The following CHODL variants were observed in gnomAD, a reference collection of about 807,000 sequenced individuals.
CHODL encodes the protein chondrolectin.
A neutral mutation model predicts 34.5 loss-of-function variants in CHODL; 29 were observed. The observed-to-expected ratio is 0.84, with a 90% confidence interval of 0.63 to 1.15. The LOEUF (loss-of-function observed/expected upper bound fraction) is 1.15. Ranked by LOEUF, CHODL falls within the 50% of genes most tolerant of loss-of-function variation. CHODL has a pLI of 0.00. For missense variants in CHODL, 332 were observed against 332.5 expected, an observed-to-expected ratio of 1.00 and a Z score of 0.01; for synonymous variants, 125 against 116.1, an observed-to-expected ratio of 1.08 and a Z score of -0.49.
intron 2 of CHODL, among the ~76,000 whole-genome samples, chr21:18,173,610 TG>T (rs2073257480): frequency 6.6e-6 from 1 of 152,190 alleles, no homozygotes; most frequent in Admixed American, 6.5e-5. Context: ...GTTGGGGATT[TG>T]CTATTGATTA....
intron 1 of CHODL, among the ~76,000 whole-genome samples, chr21:17,972,863 G>A (rs1172785652): frequency 1.3e-5 from 2 of 152,116 alleles, no homozygotes; most frequent in African/African-American, 4.8e-5. Context: ...GAACAAAGCT[G>A]GAGCCATCAT....
intron 2 of CHODL, among the ~76,000 whole-genome samples, chr21:18,196,477 A>G (rs552730881): frequency 1.7e-4 from 26 of 152,196 alleles, no homozygotes; most frequent in Non-Finnish European, 3.2e-4. Context: ...GCTGTAGGAA[A>G]TTAACAGTAA....
rs148377165 is a variant in CHODL, at chr21:18,185,583, G to A, written c.-44-70926G>A. Among the ~76,000 whole-genome samples, 471 of 152,258 alleles carry A rather than the reference G, an allele frequency of 3.1e-3. 5 individuals carry two copies. Among genetic ancestry groups the A allele is most frequent in the Admixed American group, 0.022 (342 of 15,300 alleles). ...TTCCAAATAATCCTGGTGGTGGCTT[G>A]TGTGAGTCAGGCTCCTTCAGTTGCA... On this transcript the variant is annotated intron_variant, in intron 2 of 6. Coordinates refer to the CHODL transcript ENST00000400127.
intron 2 of CHODL, among the ~76,000 whole-genome samples, chr21:18,074,718 T>G (rs1454355555): frequency 1.3e-5 from 2 of 152,130 alleles, no homozygotes; most frequent in Admixed American, 1.3e-4. Context: ...GGAAAAAGAA[T>G]TAAGAGAAAA....
chr21:18,143,041 A>G (rs2072821491), intron 2 of CHODL, among the ~76,000 whole-genome samples: 3 of 152,212 alleles, frequency 2.0e-5, no homozygotes, highest in African/African-American at 7.2e-5. Flanking sequence ...TAATTTTTAT[A>G]GACCAGTTAA....
rs154750 is a variant in CHODL, at chr21:18,016,996, G to A, written c.-144-10876G>A. Among the ~76,000 whole-genome samples the A allele has an allele frequency of 4.8e-3, 732 of 152,382 alleles. 34 individuals are homozygous for A. The East Asian group carries it at 0.11, about 23-fold the overall frequency. On this transcript the variant is annotated intron_variant, in intron 1 of 6. Transcript: ENST00000400127. ...TTTGGAAGAGGAGCATTTACTTAAT[G>A]TCTGTATCCCCATTGTATCTTGGAA... is the stretch of plus-strand genomic sequence containing the variant.
chr21:18,033,916 T>A (rs1334360306), intron 2 of CHODL, among the ~76,000 whole-genome samples: 1 of 152,016 alleles, frequency 6.6e-6, no homozygotes, highest in African/African-American at 2.4e-5. Flanking sequence ...CTCACAAAAA[T>A]ACTTTAAAAA....
chr21:18,128,201 C>T (rs575360001), intron 2 of CHODL, among the ~76,000 whole-genome samples: 13 of 148,430 alleles, frequency 8.8e-5, no homozygotes, highest in Non-Finnish European at 1.5e-4. Context: ...CTAGGGAGGC[C>T]GAGGCAGGAG....
intron 1 of CHODL, among the ~76,000 whole-genome samples, chr21:17,988,606 T>A (rs1329079052): frequency 8.9e-6 from 1 of 112,840 alleles, no homozygotes; most frequent in Non-Finnish European, 1.7e-5. Flanking sequence ...TGTCCATGTG[T>A]TCTCATTGTT....
chr21:18,026,050 G>C (rs949632708), intron 1 of CHODL, among the ~76,000 whole-genome samples: 5 of 152,170 alleles, frequency 3.3e-5, no homozygotes, highest in African/African-American at 1.2e-4. Flanking sequence ...TCCAGCCACT[G>C]TAATATAGGT....
intron 1 of CHODL, among the ~76,000 whole-genome samples, chr21:17,992,952 C>T (rs547568798): frequency 3.2e-4 from 49 of 152,012 alleles, no homozygotes; most frequent in African/African-American, 1.1e-3. Flanking sequence ...GGCGCCCGGC[C>T]GAGGGTTTTT....
At chr21:18,119,477 A>T (rs1204764439) in intron 2 of CHODL, among the ~76,000 whole-genome samples, 1 of 152,088 alleles carries the variant, frequency 6.6e-6, no homozygotes, top group Non-Finnish European at 1.5e-5. Context: ...AAACTCCAAT[A>T]AAGGGGTTGC....
At chr21:18,151,377 A>C (rs1443608516) in intron 2 of CHODL, among the ~76,000 whole-genome samples, 1 of 152,198 alleles carries the variant, frequency 6.6e-6, no homozygotes, top group Non-Finnish European at 1.5e-5. Context: ...GAGGGCTTCT[A>C]TATAGCTGGA....
chr21:18,019,286 G>A (rs1365135908), intron 1 of CHODL, among the ~76,000 whole-genome samples: 2 of 152,120 alleles, frequency 1.3e-5, no homozygotes, highest in Admixed American at 1.3e-4. Context: ...GACCTATATA[G>A]AGAATGCAAA....
chr21:18,141,335 A>G (rs2072799654), intron 2 of CHODL, among the ~76,000 whole-genome samples: 1 of 152,056 alleles, frequency 6.6e-6, no homozygotes, highest in African/African-American at 2.4e-5. Context: ...AATGGGGAGT[A>G]AAATTAGGAA....
chr21:17,998,144 G>C (rs1010510984), intron 1 of CHODL, among the ~76,000 whole-genome samples: 8 of 152,300 alleles, frequency 5.3e-5, no homozygotes, highest in African/African-American at 1.7e-4. Flanking sequence ...ATTGGCCAAA[G>C]CAAAGTGGTT....
At chr21:18,070,373 C>T (rs1376735151) in intron 2 of CHODL, among the ~76,000 whole-genome samples, 1 of 151,826 alleles carries the variant, frequency 6.6e-6, no homozygotes, top group Non-Finnish European at 1.5e-5. Flanking sequence ...TTCTCTAGAT[C>T]CATGTTTCAA....
At chr21:17,959,688 A>T (rs2063518290) in intron 1 of CHODL, among the ~76,000 whole-genome samples, 1 of 152,204 alleles carries the variant, frequency 6.6e-6, no homozygotes, top group Non-Finnish European at 1.5e-5. Flanking sequence ...TTTACTTTCC[A>T]AAAGTTCACA....
intron 2 of CHODL, among the ~76,000 whole-genome samples, chr21:18,033,087 G>A (rs1295179071): frequency 6.6e-6 from 1 of 151,980 alleles, no homozygotes; most frequent in African/African-American, 2.4e-5. Flanking sequence ...AGTAAACGAG[G>A]TCAGAGGATG....
Sources: allele counts gnomAD v4.1 joint callset (sites outside exome capture counted in the v4.1 genomes callset), GRCh38; gene constraint gnomAD v4.1.1; transcripts MANE v1.5; gene names NCBI Gene and HGNC (gene_info 2026-07-23, HGNC 2026-07-21).